Variants in PPP1R42 observed in about 807,000 individuals in gnomAD.
The protein encoded by PPP1R42 is protein phosphatase 1 regulatory subunit 42, also known as leucine rich repeat containing 67.
Under a neutral mutation model 31.0 loss-of-function variants are expected in PPP1R42, and 34 were observed. The observed-to-expected ratio is 1.10, with a 90% CI of 0.83 to 1.46. PPP1R42 has a LOEUF of 1.46. PPP1R42 is among the 40% of genes most tolerant of loss of function. PPP1R42 has a pLI of 0.00. For missense variants in PPP1R42, 268 were observed against 303.0 expected (o/e 0.88, Z 0.86); for synonymous variants, 103 against 109.8 (o/e 0.94, Z 0.39).
In PPP1R42 at chr8:66,966,779, C is replaced by T. The variant is rs147479754; in HGVS notation, c.803-2445G>A. On this transcript the variant is annotated intron_variant, in intron 7 of 7. Transcript: ENST00000685739. The stretch of plus-strand genomic sequence containing the variant: ...CAGCCTGGGTGACAGAGCGAGACTC[C>T]GTCTCCAAAAAAAAAAAATTGTTTG... Among the ~76,000 whole-genome samples, 400 of 150,976 alleles carry T rather than the reference C, an allele frequency of 2.6e-3. 6 individuals carry two copies. Among genetic ancestry groups the T allele is most frequent in the African/African-American group, 9.3e-3 (382 of 41,114 alleles).
At position 67,007,729 on chromosome 8, in the gene PPP1R42, T is replaced by C. The variant is rs1228142906; in HGVS notation, c.552+2986A>G. Among the ~76,000 whole-genome samples the C allele has an allele frequency of 2.3e-4, 35 of 152,164 alleles. 1 individual carries two copies. The highest frequency in any genetic ancestry group is 1.9e-4 in the Non-Finnish European group (13 of 68,032). Reference sequence around the variant, plus strand: ...CCTGCCCGGGGCCATGAATTATTCCTTTGTCCAGCATTTCCATTCTATACA... The same window carrying C: ...CCTGCCCGGGGCCATGAATTATTCCCTTGTCCAGCATTTCCATTCTATACA... On this transcript the variant is annotated intron_variant, in intron 5 of 7. Coordinates refer to ENST00000685739, the MANE Select transcript of PPP1R42 (RefSeq NM_001364910.1).
At chr8:66,982,409 T>G (rs1412899175) in intron 6 of PPP1R42, among the ~76,000 whole-genome samples, 1 of 152,206 alleles carries the variant, frequency 6.6e-6, no homozygotes, top group East Asian at 1.9e-4. Flanking sequence ...AATGGAAATA[T>G]CATTAAATAA....
In PPP1R42 at chr8:66,977,608, C is replaced by T. The variant is rs192380915; in HGVS notation, c.802+4441G>A. Reference sequence around the variant, plus strand: ...GCAGCCTCCGCCTTCCAGGTTCAATCGATTCTCCTGTCTTAGCCTCCACAG... The same window carrying T: ...GCAGCCTCCGCCTTCCAGGTTCAATTGATTCTCCTGTCTTAGCCTCCACAG... On this transcript the variant is annotated intron_variant, in intron 7 of 7. Transcript: ENST00000685739. Among the ~76,000 whole-genome samples, 18 of 152,228 alleles carry T rather than the reference C, an allele frequency of 1.2e-4. No homozygotes were observed. The East Asian group carries it at 1.7e-3, about 15-fold the overall frequency.
At chr8:66,980,334 C>T (rs975487505) in intron 7 of PPP1R42, among the ~76,000 whole-genome samples, 4 of 152,088 alleles carry the variant, frequency 2.6e-5, no homozygotes, top group African/African-American at 4.8e-5. Flanking sequence ...TCCAGTGATC[C>T]TCCTTCCTCA....
chr8:66,983,493 CTGCT>C, intron 6 of PPP1R42, among the ~76,000 whole-genome samples: 1 of 151,820 alleles, frequency 6.6e-6, no homozygotes, highest in African/African-American at 2.4e-5. Context: ...CCATAGGACT[CTGCT>C]TGATAGATTT....
intron 7 of PPP1R42, among the ~76,000 whole-genome samples, chr8:66,972,008 T>C (rs777489630): frequency 6.6e-6 from 1 of 152,218 alleles, no homozygotes; most frequent in Non-Finnish European, 1.5e-5. Flanking sequence ...TCTTAACTCT[T>C]CTAAAGACCT....
intron 5 of PPP1R42, among the ~76,000 whole-genome samples, chr8:66,996,479 T>C (rs1815338236): frequency 6.6e-6 from 1 of 152,240 alleles, no homozygotes; most frequent in African/African-American, 2.4e-5. Flanking sequence ...TTCTATGTAC[T>C]TACCACAGTT....
intron 5 of PPP1R42, among the ~76,000 whole-genome samples, chr8:66,988,744 ACAACTGTTCTCTGT>A (rs1388819918): frequency 6.6e-6 from 1 of 152,216 alleles, no homozygotes; most frequent in Non-Finnish European, 1.5e-5. Flanking sequence ...TGAGGGCCAC[ACAACTGTTCTCTGT>A]CATACTCCCT....
intron 7 of PPP1R42, among the ~76,000 whole-genome samples, chr8:66,969,518 C>A (rs1814481317): frequency 6.6e-6 from 1 of 152,214 alleles, no homozygotes; most frequent in Admixed American, 6.5e-5. Context: ...TATCCTTTCA[C>A]TTCTCCCCAA....
At chr8:67,028,278 C>T (rs1012977623) in intron 1 of PPP1R42, among the ~76,000 whole-genome samples, 26 of 152,230 alleles carry the variant, frequency 1.7e-4, no homozygotes, top group African/African-American at 6.3e-4. Context: ...TGTCTCCCTC[C>T]TCTAGAGCTG....
intron 1 of PPP1R42, among the ~76,000 whole-genome samples, chr8:67,022,788 A>G (rs890639646): frequency 6.6e-6 from 1 of 151,876 alleles, no homozygotes; most frequent in Non-Finnish European, 1.5e-5. Context: ...TTTCTCTTCC[A>G]TTATTTATAT....
intron 6 of PPP1R42, chr8:66,985,280 A>T: frequency 1.1e-6 from 1 of 937,004 alleles, no homozygotes; most frequent in South Asian, 1.4e-5. Context: ...GCGACAGTGG[A>T]GACTCGGGGT....
intron 6 of PPP1R42, chr8:66,984,385 T>C (rs1278377403): frequency 1.5e-6 from 2 of 1,308,798 alleles, no homozygotes; most frequent in African/African-American, 1.4e-5. Flanking sequence ...CTTTATCCGA[T>C]GCAGCATAAG....
In PPP1R42 at chr8:67,017,632, T is replaced by G. The variant is rs1266410915; in HGVS notation, c.116A>C (p.Asn39Thr). 1.3e-6 allele frequency: 2 copies of G among 1,524,890 alleles called. No individual in the cohort carries two copies. Among genetic ancestry groups the G allele is most frequent in the African/African-American group, 2.8e-5 (2 of 72,516 alleles). 94.5% of individuals were successfully genotyped at this position (1,524,890 alleles called of 1,614,324 possible). A position where few individuals can be genotyped will look rare whatever the true frequency, so the allele number is the denominator to read the frequency against. Residue 39 changes from asparagine (N) to threonine (T), a missense_variant, in exon 2 of 8, where the codon AAT becomes ACT. Physicochemically the swap from Asn to Thr is moderately conservative, Grantham distance 65. Coordinates refer to ENST00000685739, the MANE Select transcript of PPP1R42 (RefSeq NM_001364910.1). The stretch of plus-strand genomic sequence containing the variant: ...CAAAGTTCTTACAATTGCATCTATA[T>G]TTTTGTCTGAAAAATTTATATGAGT... ...KITHINFSDK[N>T]IDAIEDLSLC...
chr8:66,991,255 A>G (rs1179298764), intron 5 of PPP1R42, among the ~76,000 whole-genome samples: 1 of 152,232 alleles, frequency 6.6e-6, no homozygotes, highest in Non-Finnish European at 1.5e-5. Flanking sequence ...TCAGCAAGCT[A>G]TATAATGCTG....
At chr8:67,012,811 C>A in intron 4 of PPP1R42, 147 bp downstream of exon 4, 1 of 599,698 alleles carries the variant, frequency 1.7e-6, no homozygotes, top group Non-Finnish European at 2.6e-6. Context: ...ATGAGAAAAT[C>A]AGCTTCAGTC....
intron 7 of PPP1R42, chr8:66,968,480 G>T: frequency 4.1e-6 from 4 of 985,120 alleles, no homozygotes; most frequent in Non-Finnish European, 4.8e-6. Context: ...ATTAAATATA[G>T]AGTGTAGGGA....
At chr8:67,015,003 C>T (rs541560836) in intron 2 of PPP1R42, among the ~76,000 whole-genome samples, 2 of 152,066 alleles carry the variant, frequency 1.3e-5, no homozygotes, top group Admixed American at 1.3e-4. Flanking sequence ...TCTAGATATC[C>T]AAGAATAATA....
chr8:66,993,781 C>G (rs994715012), intron 5 of PPP1R42, among the ~76,000 whole-genome samples: 4 of 152,068 alleles, frequency 2.6e-5, no homozygotes, highest in African/African-American at 9.7e-5. Context: ...CTTTTGTGTC[C>G]CCCATTGTCT....
Sources: allele counts gnomAD v4.1 joint callset (sites outside exome capture counted in the v4.1 genomes callset), GRCh38; gene constraint gnomAD v4.1.1; transcripts MANE v1.5; gene names NCBI Gene and HGNC (gene_info 2026-07-23, HGNC 2026-07-21).